Variants in PCSK5 observed in about 807,000 individuals in gnomAD.
PCSK5 encodes the protein prohormone convertase 5.
Under a neutral mutation model 233.2 loss-of-function variants are expected in PCSK5, and 129 were observed. That is an observed-to-expected ratio of 0.55 (90% CI 0.48 to 0.64). PCSK5 has a LOEUF of 0.64. PCSK5 is among the 30% of genes least tolerant of loss of function. PCSK5 has a pLI of 0.00. For missense variants in PCSK5, 2,076 were observed against 2,430.1 expected (o/e 0.85, Z 3.06); for synonymous variants, 825 against 879.2 (o/e 0.94, Z 1.09).
intron 5 of PCSK5, among the ~76,000 whole-genome samples, chr9:76,064,233 C>T (rs1425388720): frequency 2.0e-5 from 2 of 97,686 alleles, no homozygotes; most frequent in African/African-American, 5.6e-5. Flanking sequence ...GGGTGGGGGG[C>T]TGACCCCCCC....
intron 3 of PCSK5, among the ~76,000 whole-genome samples, chr9:75,994,396 C>CTTTT (rs1826907729): frequency 8.8e-5 from 6 of 68,316 alleles, no homozygotes; most frequent in Non-Finnish European, 1.2e-4. Flanking sequence ...TTCTTTCTTT[C>CTTTT]TTTCTTTTTT....
chr9:76,232,578 C>G (rs1826126534), intron 21 of PCSK5, among the ~76,000 whole-genome samples: 1 of 152,170 alleles, frequency 6.6e-6, no homozygotes, highest in Non-Finnish European at 1.5e-5. Flanking sequence ...AAATTAGGAA[C>G]TCTGGGTGTG....
In PCSK5 at chr9:76,287,763, T is replaced by C. The variant is rs148913366; in HGVS notation, c.3143-4470T>C. On this transcript the variant is annotated intron_variant, in intron 24 of 37. Transcript: ENST00000674117. ...CATGAGCCACCGCGCCCGGCCAGCATGTCCTCTTTTAAAGACAACGCAGCA... is the reference window on the plus strand; with the variant it reads ...CATGAGCCACCGCGCCCGGCCAGCACGTCCTCTTTTAAAGACAACGCAGCA... 857 of 180,656 alleles carry C rather than the reference T, an allele frequency of 4.7e-3. 10 individuals carry two copies. Among genetic ancestry groups the C allele is most frequent in the African/African-American group, 0.019 (818 of 42,210 alleles). The allele number at this position is 180,656 out of a possible 1,614,324, so 11.2% of individuals were successfully genotyped here. A position where few individuals can be genotyped will look rare whatever the true frequency, so the allele number is the denominator to read the frequency against.
chr9:76,040,409 C>CTG (rs1563988718), intron 5 of PCSK5, among the ~76,000 whole-genome samples: 20 of 119,464 alleles, frequency 1.7e-4, no homozygotes, highest in Admixed American at 1.6e-3. Context: ...CTCTCTCTCT[C>CTG]TCTCAACAGG....
At chr9:76,287,477 T>G (rs1352660559) in intron 24 of PCSK5, 1 of 155,274 alleles carries the variant, frequency 6.4e-6, no homozygotes, top group Non-Finnish European at 1.4e-5. Context: ...GTTGTTTTTT[T>G]GAGATGGAGT....
intron 36 of PCSK5, among the ~76,000 whole-genome samples, chr9:76,351,540 A>G (rs7867260): frequency 0.024 from 2,298 of 96,172 alleles, 430 homozygotes; most frequent in Middle Eastern, 0.049. Flanking sequence ...AAGGAAGGAA[A>G]GAAAGAGAAA....
chr9:76,333,363 G>C (rs1041903678), intron 34 of PCSK5, among the ~76,000 whole-genome samples: 1 of 152,166 alleles, frequency 6.6e-6, no homozygotes, highest in Non-Finnish European at 1.5e-5. Context: ...GGAGAGCAGT[G>C]AGTGTGGAAC....
intron 7 of PCSK5, among the ~76,000 whole-genome samples, chr9:76,081,379 G>A (rs145343847): frequency 3.1e-4 from 47 of 152,152 alleles, no homozygotes; most frequent in African/African-American, 9.9e-4. Flanking sequence ...ACTTGAACCC[G>A]GGAGGCAGAG....
intron 12 of PCSK5, among the ~76,000 whole-genome samples, chr9:76,160,086 G>A (rs1229856179): frequency 6.6e-6 from 1 of 152,094 alleles, no homozygotes; most frequent in East Asian, 1.9e-4. Flanking sequence ...CTCCCAAAGT[G>A]CTGGGATTAC....
At chr9:76,340,203 A>G (rs1219956468) in intron 35 of PCSK5, among the ~76,000 whole-genome samples, 1 of 152,186 alleles carries the variant, frequency 6.6e-6, no homozygotes, top group Non-Finnish European at 1.5e-5. Context: ...AGCAAAGGCA[A>G]GGATTATACT....
At chr9:76,304,184 A>C (rs1028234133) in intron 28 of PCSK5, among the ~76,000 whole-genome samples, 21 of 152,180 alleles carry the variant, frequency 1.4e-4, no homozygotes, top group African/African-American at 5.1e-4. Flanking sequence ...AAAATAAAAG[A>C]AAGCCAGGGT....
At chr9:75,891,632 C>G (rs1373473977) in intron 1 of PCSK5, among the ~76,000 whole-genome samples, 1 of 152,050 alleles carries the variant, frequency 6.6e-6, no homozygotes, top group Non-Finnish European at 1.5e-5. Flanking sequence ...GGTAGGGTCT[C>G]GGGAAAAATC....
intron 24 of PCSK5, among the ~76,000 whole-genome samples, chr9:76,261,343 C>T (rs141405604): frequency 1.6e-3 from 241 of 152,280 alleles, no homozygotes; most frequent in African/African-American, 5.4e-3. Flanking sequence ...TCTCTCCTTG[C>T]GGATGATATG....
chr9:76,310,910 G>A (rs1293955614), intron 30 of PCSK5, 59 bp downstream of exon 30: 9 of 1,138,282 alleles, frequency 7.9e-6, no homozygotes, highest in Non-Finnish European at 1.1e-5. Flanking sequence ...GGTACTTTGG[G>A]AGCAATTCTT....
At chr9:75,898,663 GAA>G (rs35284504) in intron 1 of PCSK5, among the ~76,000 whole-genome samples, 4 of 86,944 alleles carry the variant, frequency 4.6e-5, no homozygotes, top group African/African-American at 1.8e-4. Context: ...TGTGGGATAA[GAA>G]AAAAAAAAAA....
intron 20 of PCSK5, among the ~76,000 whole-genome samples, chr9:76,192,067 CAAAA>C (rs5898457): frequency 1.3e-4 from 13 of 101,196 alleles, no homozygotes; most frequent in Admixed American, 4.4e-4. Context: ...AAGACTGTCT[CAAAA>C]AAAAAAAAAA....
At chr9:76,146,621 T>C (rs1344687322) in intron 10 of PCSK5, among the ~76,000 whole-genome samples, 2 of 152,016 alleles carry the variant, frequency 1.3e-5, no homozygotes, top group Admixed American at 1.3e-4. Flanking sequence ...GTGGTTGACT[T>C]GGAAAAGATA....
At chr9:76,167,166 C>G (rs898085957) in intron 12 of PCSK5, among the ~76,000 whole-genome samples, 11 of 152,190 alleles carry the variant, frequency 7.2e-5, no homozygotes, top group Non-Finnish European at 1.6e-4. Context: ...GTTGCCAGAT[C>G]CAACCTGGTT....
chr9:76,028,729 A>T (rs926648873), intron 5 of PCSK5, among the ~76,000 whole-genome samples: 2 of 152,124 alleles, frequency 1.3e-5, no homozygotes, highest in Non-Finnish European at 2.9e-5. Flanking sequence ...TCTCATAGCT[A>T]ATTGTTAGTC....
Sources: allele counts gnomAD v4.1 joint callset (sites outside exome capture counted in the v4.1 genomes callset), GRCh38; gene constraint gnomAD v4.1.1; transcripts MANE v1.5; gene names NCBI Gene and HGNC (gene_info 2026-07-23, HGNC 2026-07-21).